The following CCSER1 variants were observed in gnomAD, a reference collection of about 807,000 sequenced individuals.
The protein encoded by CCSER1 is coiled-coil serine rich protein 1.
CCSER1 carries 41 observed loss-of-function variants against 82.0 expected under a neutral mutation model. That is an observed-to-expected ratio of 0.50 (90% CI 0.39 to 0.65). The LOEUF (loss-of-function observed/expected upper bound fraction) is 0.65, where lower values mean the gene tolerates loss of function less well. Among genes scored for constraint, CCSER1 ranks in the 30% least tolerant of loss-of-function variants. The probability of loss-of-function intolerance (pLI) is 0.00; values close to 1 mark genes in which losing one functional copy is unlikely to be tolerated. For synonymous variants in CCSER1, 414 were observed against 383.9 expected, an observed-to-expected ratio of 1.08 and a Z score of -0.92; for missense variants, 1,119 against 1,064.2, an observed-to-expected ratio of 1.05 and a Z score of -0.72.
chr4:90,823,760 A>T (rs1760080869), intron 8 of CCSER1, among the ~76,000 whole-genome samples: 1 of 151,904 alleles, frequency 6.6e-6, no homozygotes, highest in African/African-American at 2.4e-5. Flanking sequence ...TAAAATGTTA[A>T]TTTTACTTTT....
At chr4:91,170,970 C>A (rs931439050) in intron 10 of CCSER1, among the ~76,000 whole-genome samples, 1 of 152,186 alleles carries the variant, frequency 6.6e-6, no homozygotes, top group African/African-American at 2.4e-5. Flanking sequence ...AAGCTGCTGG[C>A]CACATGTCCT....
At chr4:90,519,648 A>G (rs930794792) in intron 5 of CCSER1, among the ~76,000 whole-genome samples, 3 of 151,898 alleles carry the variant, frequency 2.0e-5, no homozygotes, top group African/African-American at 7.2e-5. Context: ...AAATAATGTA[A>G]CTCCACTAAT....
At position 91,260,322 on chromosome 4, in the gene CCSER1, C is replaced by T. The variant is rs1741008334; in HGVS notation, c.2217+174328C>T. 2.6e-5 allele frequency among the ~76,000 whole-genome samples: 4 copies of T among 152,176 alleles called. No homozygotes were observed. The South Asian group carries it at 8.3e-4, about 32-fold the overall frequency. ...CCCAATATACACATACACACCCATGCATGGGCTTGGAGATAGGGGAAAAAG... is the reference window on the plus strand; with the variant it reads ...CCCAATATACACATACACACCCATGTATGGGCTTGGAGATAGGGGAAAAAG... On this transcript the variant is annotated intron_variant, in intron 10 of 10. Transcript: ENST00000509176.
chr4:90,517,108 T>G (rs1374193448), intron 5 of CCSER1, among the ~76,000 whole-genome samples: 2 of 152,154 alleles, frequency 1.3e-5, no homozygotes, highest in Admixed American at 1.3e-4. Context: ...ACCTTAAATG[T>G]GCTCAGACAC....
intron 10 of CCSER1, among the ~76,000 whole-genome samples, chr4:91,507,645 T>G (rs753231448): frequency 2.6e-5 from 4 of 151,918 alleles, no homozygotes; most frequent in Admixed American, 2.0e-4. Flanking sequence ...ACTTAGTATA[T>G]TCTGAATACA....
chr4:90,522,225 A>G (rs1004809211), intron 5 of CCSER1, among the ~76,000 whole-genome samples: 1 of 152,106 alleles, frequency 6.6e-6, no homozygotes, highest in African/African-American at 2.4e-5. Flanking sequence ...ATCATCATCT[A>G]ATGAATCTCT....
intron 1 of CCSER1, among the ~76,000 whole-genome samples, chr4:90,170,964 T>G (rs1731548572): frequency 6.6e-6 from 1 of 151,770 alleles, no homozygotes; most frequent in African/African-American, 2.4e-5. Flanking sequence ...CAATAATAAT[T>G]TATTATACAT....
chr4:90,395,249 G>A (rs907867795), intron 3 of CCSER1, among the ~76,000 whole-genome samples: 2 of 152,128 alleles, frequency 1.3e-5, no homozygotes, highest in Non-Finnish European at 2.9e-5. Context: ...TAAATGACAC[G>A]ATTTCCTACT....
intron 1 of CCSER1, among the ~76,000 whole-genome samples, chr4:90,215,517 C>T (rs1486133869): frequency 6.6e-6 from 1 of 152,072 alleles, no homozygotes; most frequent in Non-Finnish European, 1.5e-5. Flanking sequence ...CATCACCTGA[C>T]TTTCTTGAAG....
At chr4:90,406,948 C>A (rs1378705918) in intron 4 of CCSER1, among the ~76,000 whole-genome samples, 1 of 151,990 alleles carries the variant, frequency 6.6e-6, no homozygotes. Flanking sequence ...CCTCACGGAA[C>A]TGGAGAAACA....
chr4:90,964,829 C>G (rs373713388), intron 9 of CCSER1, among the ~76,000 whole-genome samples: 2 of 151,292 alleles, frequency 1.3e-5, no homozygotes, highest in African/African-American at 4.9e-5. Flanking sequence ...TTCGATACCA[C>G]GGAGTGTTTA....
intron 4 of CCSER1, among the ~76,000 whole-genome samples, chr4:90,414,853 C>T (rs536527075): frequency 6.6e-6 from 1 of 151,992 alleles, no homozygotes; most frequent in African/African-American, 2.4e-5. Flanking sequence ...GGAAAAATAC[C>T]AGCAATACAT....
At chr4:91,336,036 C>T (rs182403678) in intron 10 of CCSER1, among the ~76,000 whole-genome samples, 1 of 152,136 alleles carries the variant, frequency 6.6e-6, no homozygotes, top group Non-Finnish European at 1.5e-5. Flanking sequence ...TTCAGCAAAG[C>T]CTTACTTTTA....
chr4:91,249,552 T>C (rs567798126), intron 10 of CCSER1, among the ~76,000 whole-genome samples: 25 of 152,252 alleles, frequency 1.6e-4, no homozygotes, highest in African/African-American at 5.5e-4. Flanking sequence ...CTCACACTTA[T>C]CACTGTTAGC....
At chr4:90,701,667 G>A (rs1354987572) in intron 6 of CCSER1, among the ~76,000 whole-genome samples, 1 of 152,050 alleles carries the variant, frequency 6.6e-6, no homozygotes, top group African/African-American at 2.4e-5. Context: ...TCATTGAGAA[G>A]TGGTTTGTAG....
At chr4:91,026,094 G>A (rs1581369340) in intron 9 of CCSER1, among the ~76,000 whole-genome samples, 1 of 152,086 alleles carries the variant, frequency 6.6e-6, no homozygotes, top group South Asian at 2.1e-4. Context: ...GCATCTTAGG[G>A]TGTTCACACA....
At chr4:91,199,965 C>T (rs915080744) in intron 10 of CCSER1, among the ~76,000 whole-genome samples, 3 of 151,818 alleles carry the variant, frequency 2.0e-5, no homozygotes, top group African/African-American at 7.3e-5. Flanking sequence ...ATTTCAGATT[C>T]AGAGAATTGT....
intron 3 of CCSER1, among the ~76,000 whole-genome samples, chr4:90,389,829 T>A (rs11934573): frequency 0.11 from 16,396 of 152,222 alleles, 1,321 homozygotes; most frequent in East Asian, 0.31. Context: ...AGTTTTTTTT[T>A]AATTAAAAGT....
At chr4:91,136,470 A>G (rs750580225) in intron 10 of CCSER1, among the ~76,000 whole-genome samples, 1 of 152,108 alleles carries the variant, frequency 6.6e-6, no homozygotes, top group Non-Finnish European at 1.5e-5. Context: ...CCAGAATTCT[A>G]CTCTAATCTT....
Sources: allele counts gnomAD v4.1 joint callset (sites outside exome capture counted in the v4.1 genomes callset), GRCh38; gene constraint gnomAD v4.1.1; transcripts MANE v1.5; gene names NCBI Gene and HGNC (gene_info 2026-07-23, HGNC 2026-07-21).